The following KCNMA1 variants were observed in gnomAD, a reference collection of about 807,000 sequenced individuals.
The protein encoded by KCNMA1 is potassium calcium-activated channel subfamily M alpha 1, also known as Calcium-activated potassium channel subunit alpha-1.
KCNMA1 carries 29 observed loss-of-function variants against 140.0 expected under a neutral mutation model. The observed-to-expected ratio is 0.21, with a 90% CI of 0.15 to 0.28. KCNMA1 has a LOEUF of 0.28. Among genes scored for constraint, KCNMA1 ranks in the 10% least tolerant of loss-of-function variants. KCNMA1 has a pLI of 1.00. For synonymous variants in KCNMA1, 612 were observed against 611.9 expected, an observed-to-expected ratio of 1.00 and a Z score of 0.00; for missense variants, 880 against 1,602.2, an observed-to-expected ratio of 0.55 and a Z score of 7.70.
chr10:76,877,371 A>G (rs953176506), downstream of KCNMA1: 7 of 154,446 alleles, frequency 4.5e-5, no homozygotes, highest in African/African-American at 1.4e-4. Context: ...GAGAAAGAAG[A>G]GAAAAACACA....
chr10:77,314,923 A>AC (rs1491253746), intron 2 of KCNMA1, among the ~76,000 whole-genome samples: 3 of 146,250 alleles, frequency 2.1e-5, no homozygotes, highest in Non-Finnish European at 4.5e-5. Flanking sequence ...CCACACCCCC[A>AC]ACACACACAC....
intron 1 of KCNMA1, among the ~76,000 whole-genome samples, chr10:77,549,639 G>A (rs1049637344): frequency 3.3e-5 from 5 of 152,226 alleles, no homozygotes; most frequent in Admixed American, 1.3e-4. Flanking sequence ...GCCCTACAGG[G>A]CAGTTATCTA....
chr10:77,189,999 G>T (rs1015927267), intron 3 of KCNMA1, among the ~76,000 whole-genome samples: 3 of 152,080 alleles, frequency 2.0e-5, no homozygotes, highest in Admixed American at 6.6e-5. Context: ...TTTCTACTAT[G>T]TTTCAGTCCA....
chr10:77,391,300 T>C (rs1250014670), intron 2 of KCNMA1, among the ~76,000 whole-genome samples: 1 of 152,226 alleles, frequency 6.6e-6, no homozygotes, highest in Non-Finnish European at 1.5e-5. Context: ...CTTGGAGGCT[T>C]GTGAACAGAG....
chr10:77,583,370 G>C (rs2076386692), intron 1 of KCNMA1, among the ~76,000 whole-genome samples: 1 of 152,208 alleles, frequency 6.6e-6, no homozygotes, highest in African/African-American at 2.4e-5. Flanking sequence ...CTGACAAATA[G>C]AGACTTGATA....
At chr10:77,140,919 T>C (rs1464692942) in intron 5 of KCNMA1, among the ~76,000 whole-genome samples, 4 of 152,146 alleles carry the variant, frequency 2.6e-5, no homozygotes, top group African/African-American at 7.2e-5. Flanking sequence ...TCAAGTGGTA[T>C]AGAATAGAGT....
chr10:76,984,566 A>G (rs1256040399), intron 19 of KCNMA1, among the ~76,000 whole-genome samples: 3 of 152,056 alleles, frequency 2.0e-5, no homozygotes, highest in Admixed American at 2.0e-4. Context: ...TCAGTATATC[A>G]ATCAGTCACT....
intron 2 of KCNMA1, among the ~76,000 whole-genome samples, chr10:77,322,335 T>A (rs551093151): frequency 6.6e-6 from 1 of 152,352 alleles, no homozygotes; most frequent in Non-Finnish European, 1.5e-5. Flanking sequence ...AGAGACTTCA[T>A]GATGTTGTTA....
chr10:77,391,141 C>T (rs1034923005), intron 2 of KCNMA1, among the ~76,000 whole-genome samples: 4 of 152,178 alleles, frequency 2.6e-5, no homozygotes, highest in Non-Finnish European at 5.9e-5. Flanking sequence ...GCTGCTCCTG[C>T]CAGTGGGGAA....
rs76759628 is a variant in KCNMA1 at position 77,253,443 on chromosome 10, A to G, written c.541-2187T>C. Among the ~76,000 whole-genome samples, 34 of 152,372 alleles carry G rather than the reference A, an allele frequency of 2.2e-4. No homozygotes were observed. The East Asian group carries it at 4.8e-3, about 22-fold the overall frequency. ...AAAATCTAAGACCCCTGCAATGGCAATGATTTCGCAGCATCCAGATGGCCA... is the reference window on the plus strand; with the variant it reads ...AAAATCTAAGACCCCTGCAATGGCAGTGATTTCGCAGCATCCAGATGGCCA... On this transcript the variant is annotated intron_variant, in intron 2 of 27. Coordinates refer to ENST00000286628, the MANE Select transcript of KCNMA1 (RefSeq NM_001161352.2).
chr10:77,321,885 G>A (rs187903684), intron 2 of KCNMA1, among the ~76,000 whole-genome samples: 173 of 152,320 alleles, frequency 1.1e-3, no homozygotes, highest in African/African-American at 4.0e-3. Flanking sequence ...AGAACTAGAA[G>A]CTTTATCCAC....
chr10:76,959,300 T>G (rs1358697056), intron 20 of KCNMA1, among the ~76,000 whole-genome samples: 1 of 152,214 alleles, frequency 6.6e-6, no homozygotes, highest in Admixed American at 6.5e-5. Flanking sequence ...GTTCAGGGGT[T>G]GATACCACTA....
chr10:77,604,355 GA>G (rs2083654858), intron 1 of KCNMA1, among the ~76,000 whole-genome samples: 1 of 152,050 alleles, frequency 6.6e-6, no homozygotes, highest in African/African-American at 2.4e-5. Context: ...TGAAAGAGAA[GA>G]AAAAAAGAAG....
At chr10:77,382,990 GTGTGTATATATATATA>G (rs1182002431) in intron 2 of KCNMA1, among the ~76,000 whole-genome samples, 3 of 42,600 alleles carry the variant, frequency 7.0e-5, no homozygotes, top group Admixed American at 2.9e-4. Context: ...GTGTGTGTGT[GTGTGTATATATATATA>G]TATATATATA....
intron 17 of KCNMA1, among the ~76,000 whole-genome samples, chr10:77,017,243 G>A (rs895456297): frequency 5.9e-5 from 9 of 152,112 alleles, no homozygotes; most frequent in Admixed American, 4.6e-4. Context: ...TTGCTATCTG[G>A]GAGGTATACG....
At chr10:77,406,400 A>G (rs915463639) in intron 1 of KCNMA1, among the ~76,000 whole-genome samples, 2 of 152,170 alleles carry the variant, frequency 1.3e-5, no homozygotes, top group South Asian at 4.1e-4. Flanking sequence ...ACACAGGTTC[A>G]AGCAATTATC....
chr10:77,637,464 G>A lies in KCNMA1; in HGVS notation c.179C>T (p.Ser60Leu), dbSNP rs768769748. Residue 60 changes from serine to leucine, a missense_variant, in exon 1 of 28, where the codon TCG (serine) becomes TTG (leucine). Around this residue, in one of 13 missense-constraint regions of KCNMA1, gnomAD observed 94 missense variants for 92.4 expected, o/e 1.02. Transcript: ENST00000286628. The stretch of plus-strand genomic sequence containing the variant: ...CGCATCCATCTTGGGCTCGTGGACC[G>A]AGGACGAGGAGGAAGAGGAGGAGGA... ...SSSSSSSSSS[S>L]VHEPKMDALI... 2 of 1,611,322 alleles carry A rather than the reference G, an allele frequency of 1.2e-6. No homozygotes were observed. Among genetic ancestry groups the A allele is most frequent in the African/African-American group, 1.3e-5 (1 of 74,952 alleles).
chr10:77,012,454 G>A (rs2091027954), intron 17 of KCNMA1: 11 of 1,550,008 alleles, frequency 7.1e-6, no homozygotes, highest in Non-Finnish European at 9.6e-6. Context: ...ATATATATTT[G>A]AGGGGGCAGA....
chr10:77,268,486 G>A (rs952918754), intron 2 of KCNMA1, among the ~76,000 whole-genome samples: 2 of 152,070 alleles, frequency 1.3e-5, no homozygotes, highest in Non-Finnish European at 2.9e-5. Context: ...ATAAATTGCT[G>A]GAGATGATGG....
Sources: allele counts gnomAD v4.1 joint callset (sites outside exome capture counted in the v4.1 genomes callset), GRCh38; gene constraint gnomAD v4.1.1; regional missense constraint gnomAD v4.1.1; transcripts MANE v1.5; gene names NCBI Gene and HGNC (gene_info 2026-07-23, HGNC 2026-07-21).